Variants in ENTHD1 observed in about 807,000 individuals in gnomAD.
ENTHD1 encodes ENTH domain containing 1, also known as ENTH domain-containing protein 1.
A neutral mutation model predicts 39.1 loss-of-function variants in ENTHD1; 23 were observed. That is an observed-to-expected ratio of 0.59 (90% CI 0.42 to 0.83). ENTHD1 has a LOEUF of 0.83. Ranked by LOEUF, ENTHD1 falls within the 40% of genes least tolerant of loss-of-function variation. ENTHD1 has a pLI of 0.00. For missense variants in ENTHD1, 624 were observed against 705.4 expected (o/e 0.88, Z 1.31); for synonymous variants, 230 against 258.2 (o/e 0.89, Z 1.05).
rs117591122 is a variant in ENTHD1, at chr22:39,824,766, G to A, written c.712-3653C>T. On this transcript the variant is annotated intron_variant, in intron 4 of 6. Coordinates refer to ENST00000325157, the MANE Select transcript of ENTHD1 (RefSeq NM_152512.4). ...TCTGGGTTCTCTATTCTGTTCCACCGATCCAAGTGTTTGTCTCTCCACCAA... is the reference window on the plus strand; with the variant it reads ...TCTGGGTTCTCTATTCTGTTCCACCAATCCAAGTGTTTGTCTCTCCACCAA... Among the ~76,000 whole-genome samples the A allele has an allele frequency of 8.5e-5, 13 of 152,244 alleles. No individual in the cohort carries two copies. In the East Asian group the frequency reaches 1.2e-3, roughly 14 times the overall value.
intron 5 of ENTHD1, among the ~76,000 whole-genome samples, chr22:39,789,112 T>C (rs1163865184): frequency 6.6e-6 from 1 of 152,176 alleles, no homozygotes; most frequent in Non-Finnish European, 1.5e-5. Context: ...CATTTTCTTA[T>C]CTATCCATCT....
chr22:39,786,236 T>C (rs2065456793), intron 5 of ENTHD1, among the ~76,000 whole-genome samples: 1 of 152,210 alleles, frequency 6.6e-6, no homozygotes, highest in Non-Finnish European at 1.5e-5. Context: ...TTCCATTTTA[T>C]TTCTTCCCAT....
chr22:39,745,719 T>C (rs989024670), intron 6 of ENTHD1, among the ~76,000 whole-genome samples: 2 of 152,224 alleles, frequency 1.3e-5, no homozygotes, highest in Admixed American at 6.5e-5. Flanking sequence ...TTAATGACGA[T>C]AGCCATGAGA....
intron 5 of ENTHD1, among the ~76,000 whole-genome samples, chr22:39,773,023 C>A (rs1293075571): frequency 6.7e-6 from 1 of 148,890 alleles, no homozygotes; most frequent in Admixed American, 6.8e-5. Flanking sequence ...GTGGCTTATG[C>A]CTGTAATCCC....
At chr22:39,871,514 T>G (rs2146745139) in intron 2 of ENTHD1, among the ~76,000 whole-genome samples, 1 of 152,348 alleles carries the variant, frequency 6.6e-6, no homozygotes, top group South Asian at 2.1e-4. Context: ...TTTCTTTGAC[T>G]GACCTTAGCA....
At chr22:39,779,112 T>C (rs1013630267) in intron 5 of ENTHD1, among the ~76,000 whole-genome samples, 1 of 151,612 alleles carries the variant, frequency 6.6e-6, no homozygotes, top group Non-Finnish European at 1.5e-5. Context: ...AGGTCAGGAG[T>C]TCGAGACCAG....
chr22:39,756,314 TCTCA>T (rs1329879058), intron 6 of ENTHD1, among the ~76,000 whole-genome samples: 213 of 144,272 alleles, frequency 1.5e-3, no homozygotes, highest in Middle Eastern at 3.6e-3. Context: ...TCTCTCTCTC[TCTCA>T]CACACACACA....
intron 5 of ENTHD1, among the ~76,000 whole-genome samples, chr22:39,794,175 C>T (rs528802728): frequency 1.2e-4 from 18 of 152,024 alleles, no homozygotes; most frequent in South Asian, 4.2e-4. Context: ...GGTTTTTCAC[C>T]GCCTTGGTTA....
At chr22:39,811,986 A>C (rs1366853870) in intron 5 of ENTHD1, among the ~76,000 whole-genome samples, 5 of 122,212 alleles carry the variant, frequency 4.1e-5, no homozygotes, top group Non-Finnish European at 8.2e-5. Flanking sequence ...CTCATAAAAA[A>C]CAAAAACAAA....
rs180772580 is a variant in ENTHD1 at position 39,824,931 on chromosome 22, G to T, written c.712-3818C>A. Among the ~76,000 whole-genome samples the T allele has an allele frequency of 1.9e-3, 291 of 152,224 alleles. 4 individuals carry two copies. Among genetic ancestry groups the T allele is most frequent in the Non-Finnish European group, 6.2e-4 (42 of 68,016 alleles). On this transcript the variant is annotated intron_variant, in intron 4 of 6. Transcript: ENST00000325157. ...CTTTCCATATCAATTTTAGAACAAG[G>T]TTATTATCTACCCCTATAGAAAACC... is the stretch of plus-strand genomic sequence containing the variant.
intron 5 of ENTHD1, among the ~76,000 whole-genome samples, chr22:39,770,463 G>A (rs948891616): frequency 1.3e-5 from 2 of 152,050 alleles, no homozygotes; most frequent in Admixed American, 6.6e-5. Flanking sequence ...ATTAGCACCC[G>A]CCAACAAGCA....
At chr22:39,863,459 G>T (rs2066160215) in intron 2 of ENTHD1, among the ~76,000 whole-genome samples, 2 of 152,038 alleles carry the variant, frequency 1.3e-5, no homozygotes, top group Admixed American at 1.3e-4. Context: ...CAGTCAGGTG[G>T]TCTATCTGGG....
chr22:39,862,034 A>G, intron 2 of ENTHD1, 27 bp from the exon 3 acceptor site: 1 of 1,426,496 alleles, frequency 7.0e-7, no homozygotes, highest in Non-Finnish European at 9.3e-7. Flanking sequence ...CTCTGCTTAG[A>G]AAAGGAAATA....
At chr22:39,802,409 G>GC (rs977082448) in intron 5 of ENTHD1, among the ~76,000 whole-genome samples, 4 of 152,324 alleles carry the variant, frequency 2.6e-5, no homozygotes, top group Admixed American at 2.6e-4. Flanking sequence ...GGGAAACCCA[G>GC]CAAGGCCTGT....
chr22:39,748,094 C>T (rs965084348), intron 6 of ENTHD1, among the ~76,000 whole-genome samples: 3 of 151,862 alleles, frequency 2.0e-5, no homozygotes, highest in South Asian at 2.1e-4. Flanking sequence ...ACAAGAAGTA[C>T]AAAAATTAGT....
intron 1 of ENTHD1, 98 bp from the exon 2 acceptor site, chr22:39,888,001 C>T: frequency 2.7e-6 from 1 of 374,134 alleles, no homozygotes; most frequent in Non-Finnish European, 4.8e-6. Context: ...CTAAATCAGC[C>T]CCTCACTTAC....
intron 5 of ENTHD1, among the ~76,000 whole-genome samples, chr22:39,771,564 T>C (rs920503713): frequency 2.0e-5 from 3 of 152,050 alleles, no homozygotes; most frequent in Non-Finnish European, 2.9e-5. Context: ...TAATCAAACA[T>C]AAAAATGAAA....
intron 6 of ENTHD1, among the ~76,000 whole-genome samples, chr22:39,744,880 G>GAGAAC (rs2065091290): frequency 6.6e-6 from 1 of 152,012 alleles, no homozygotes; most frequent in Non-Finnish European, 1.5e-5. Flanking sequence ...GAAACTAAGT[G>GAGAAC]AAGTAAAAAG....
At chr22:39,770,071 A>G (rs1601582648) in intron 5 of ENTHD1, among the ~76,000 whole-genome samples, 1 of 152,234 alleles carries the variant, frequency 6.6e-6, no homozygotes, top group South Asian at 2.1e-4. Context: ...TGTTGCTCGG[A>G]AAGTTAAATA....
Sources: gnomAD v4.1 joint callset for allele counts (sites outside exome capture counted in the v4.1 genomes callset) on GRCh38, gnomAD v4.1.1 for gene constraint, MANE v1.5 for transcripts, NCBI Gene and HGNC (gene_info 2026-07-23, HGNC 2026-07-21) for gene names.